The following RASGRF1 variants were observed in gnomAD, a reference collection of about 807,000 sequenced individuals.
The protein encoded by RASGRF1 is ras-specific guanine nucleotide-releasing factor 1.
In RASGRF1, 40 loss-of-function variants were observed where a neutral mutation model predicts 138.7. That is an observed-to-expected ratio of 0.29 (90% CI 0.22 to 0.38). The LOEUF (loss-of-function observed/expected upper bound fraction) is 0.38, where lower values mean the gene tolerates loss of function less well. Ranked by LOEUF, RASGRF1 falls within the 10% of genes least tolerant of loss-of-function variation. RASGRF1 has a pLI of 1.00. For synonymous variants in RASGRF1, 614 were observed against 663.2 expected (o/e 0.93, Z 1.14); for missense variants, 1,108 against 1,650.4 (o/e 0.67, Z 5.69).
chr15:79,052,104 A>G (rs1055747236), intron 3 of RASGRF1, among the ~76,000 whole-genome samples: 50 of 152,112 alleles, frequency 3.3e-4, no homozygotes, highest in African/African-American at 1.1e-3. Flanking sequence ...CCGACTCCAC[A>G]CCTGGCTCCA....
intron 1 of RASGRF1, among the ~76,000 whole-genome samples, chr15:79,078,521 AG>A (rs1316279033): frequency 1.9e-4 from 29 of 152,164 alleles, no homozygotes; most frequent in Admixed American, 1.9e-3. Context: ...TCCATTGAGC[AG>A]GAAGGCAGTC....
chr15:79,071,029 C>T (rs369631918), intron 1 of RASGRF1, among the ~76,000 whole-genome samples: 1 of 152,240 alleles, frequency 6.6e-6, no homozygotes, highest in African/African-American at 2.4e-5. Context: ...TGGTCTCCAG[C>T]CCCGGGAGAG....
At chr15:79,071,559 G>A (rs1295788834) in intron 1 of RASGRF1, among the ~76,000 whole-genome samples, 3 of 150,622 alleles carry the variant, frequency 2.0e-5, no homozygotes, top group Admixed American at 6.6e-5. Context: ...TAGTAGAGAC[G>A]GGGTTTTGCC....
At chr15:78,964,827 C>A (rs755155535) in intron 26 of RASGRF1, among the ~76,000 whole-genome samples, 1 of 152,098 alleles carries the variant, frequency 6.6e-6, no homozygotes, top group Non-Finnish European at 1.5e-5. Context: ...GTGATCGTCT[C>A]GTTCTTAGAA....
chr15:78,971,692 C>T (rs896637289), intron 26 of RASGRF1, among the ~76,000 whole-genome samples, 174 bp downstream of exon 26: 3 of 152,102 alleles, frequency 2.0e-5, no homozygotes, highest in Non-Finnish European at 4.4e-5. Context: ...GAACACAGGC[C>T]CAATTTGAAG....
Position 79,049,560 on chromosome 15 carries a change from C to A in RASGRF1, c.560G>T (p.Arg187Leu). ...GGCGACAGTCTGGGTGGACTGGATG[C>A]GCTCATTGTCCTTGAGCAGGGATGT... ...EITSLLKDNE[R>L]IQSTQTVAPN... Residue 187 changes from arginine to leucine, a missense_variant, in exon 4 of 27, where the codon CGC becomes CTC. This residue lies in a region of RASGRF1 where 253 missense variants were observed against 329.5 expected (regional missense o/e 0.77). Coordinates refer to ENST00000558480, the MANE Select transcript of RASGRF1 (RefSeq NM_001145648.3). 6.2e-7 allele frequency: 1 copy of A among 1,613,738 alleles called. No individual in the cohort carries two copies. Among genetic ancestry groups the A allele is most frequent in the Non-Finnish European group, 8.5e-7 (1 of 1,179,886 alleles).
intron 20 of RASGRF1, among the ~76,000 whole-genome samples, chr15:78,994,466 C>T (rs74627166): frequency 0.13 from 19,643 of 152,246 alleles, 1,907 homozygotes; most frequent in East Asian, 0.48. Flanking sequence ...GTCACTCAAC[C>T]AGCAAGGGGC....
intron 18 of RASGRF1, 37 bp from the exon 19 acceptor site, chr15:78,998,245 T>C (rs888225585): frequency 2.6e-6 from 4 of 1,539,070 alleles, no homozygotes; most frequent in Non-Finnish European, 3.6e-6. Context: ...CTGGTTACTG[T>C]TTTTGAGCTG....
intron 12 of RASGRF1, among the ~76,000 whole-genome samples, 171 bp from the exon 13 acceptor site, chr15:79,015,580 T>C (rs1479356480): frequency 6.6e-6 from 1 of 152,206 alleles, no homozygotes; most frequent in African/African-American, 2.4e-5. Context: ...CCTTTAGACT[T>C]TGGCCGGAAG....
chr15:79,025,831 G>A lies in RASGRF1; in HGVS notation c.1382-357C>T, dbSNP rs114743400. ...AAGTGGGGAGCTGGCTGCAGGCCCC[G>A]AGGGGTTAACAAGATACATTGCACT... On this transcript the variant is annotated intron_variant, in intron 9 of 26. Transcript: ENST00000558480. Among the ~76,000 whole-genome samples the A allele has an allele frequency of 1.3e-3, 190 of 151,958 alleles. 1 individual carries two copies. Among genetic ancestry groups the A allele is most frequent in the African/African-American group, 4.4e-3 (181 of 41,402 alleles).
intron 16 of RASGRF1, among the ~76,000 whole-genome samples, chr15:79,000,837 G>A (rs1250105257): frequency 6.6e-6 from 1 of 152,210 alleles, no homozygotes; most frequent in East Asian, 1.9e-4. Context: ...GTATGTCCAG[G>A]CAGTTTCTCT....
chr15:79,085,846 C>A (rs1014157288), intron 1 of RASGRF1, among the ~76,000 whole-genome samples: 4 of 152,182 alleles, frequency 2.6e-5, no homozygotes, highest in African/African-American at 9.7e-5. Context: ...ACAGGCCTGA[C>A]ACCAAGGGCC....
intron 20 of RASGRF1, 97 bp from the exon 21 acceptor site, chr15:78,991,891 T>C: frequency 2.1e-6 from 2 of 935,774 alleles, no homozygotes; most frequent in Non-Finnish European, 1.7e-6. Flanking sequence ...CGCCCTCGAA[T>C]TGGGTGGGCG....
intron 17 of RASGRF1, among the ~76,000 whole-genome samples, chr15:78,999,426 TG>T (rs1719894452): frequency 6.6e-6 from 1 of 151,876 alleles, no homozygotes; most frequent in Non-Finnish European, 1.5e-5. Flanking sequence ...GCTCTAGGTG[TG>T]GGGTTCAGGC....
intron 5 of RASGRF1, among the ~76,000 whole-genome samples, chr15:79,039,588 G>C (rs2057269800): frequency 6.6e-6 from 1 of 152,080 alleles, no homozygotes. Flanking sequence ...AGAATATTTT[G>C]GGTGAAATGA....
chr15:79,071,430 G>T (rs1428258309), intron 1 of RASGRF1, among the ~76,000 whole-genome samples: 1 of 148,944 alleles, frequency 6.7e-6, no homozygotes, highest in Non-Finnish European at 1.5e-5. Flanking sequence ...CACAGTCTCT[G>T]CTCATTGCAA....
At chr15:78,982,066 C>T (rs970010283) in intron 23 of RASGRF1, among the ~76,000 whole-genome samples, 1 of 152,204 alleles carries the variant, frequency 6.6e-6, no homozygotes, top group African/African-American at 2.4e-5. Context: ...TGTCACCTAT[C>T]CCTGGCATGC....
chr15:79,039,796 G>T (rs1242268455), intron 5 of RASGRF1, among the ~76,000 whole-genome samples: 1 of 152,054 alleles, frequency 6.6e-6, no homozygotes, highest in African/African-American at 2.4e-5. Flanking sequence ...TTGAGACAGG[G>T]TCTTGCTCTG....
At chr15:79,082,092 C>T (rs1230861210) in intron 1 of RASGRF1, among the ~76,000 whole-genome samples, 3 of 152,044 alleles carry the variant, frequency 2.0e-5, no homozygotes, top group African/African-American at 4.8e-5. Flanking sequence ...TGTGTGTGCC[C>T]GATGATCAGA....
Sources: gnomAD v4.1 joint callset for allele counts (sites outside exome capture counted in the v4.1 genomes callset) on GRCh38, gnomAD v4.1.1 for gene constraint, gnomAD v4.1.1 regional missense constraint, MANE v1.5 for transcripts, NCBI Gene and HGNC (gene_info 2026-07-23, HGNC 2026-07-21) for gene names.